The following ELMO2 variants were observed in gnomAD, a reference collection of about 807,000 sequenced individuals.
ELMO2 encodes engulfment and cell motility 2.
In ELMO2, 37 loss-of-function variants were observed where a neutral mutation model predicts 96.2. That is an observed-to-expected ratio of 0.38 (90% CI 0.30 to 0.51). ELMO2 has a LOEUF of 0.51. Among genes scored for constraint, ELMO2 ranks in the 20% least tolerant of loss-of-function variants. ELMO2 has a pLI of 0.88. For missense variants in ELMO2, 561 were observed against 912.6 expected (o/e 0.61, Z 4.96); for synonymous variants, 315 against 329.4 (o/e 0.96, Z 0.47).
chr20:46,370,665 G>T, intron 19 of ELMO2, 140 bp from the exon 20 acceptor site: 1 of 770,952 alleles, frequency 1.3e-6, no homozygotes, highest in Admixed American at 2.3e-5. Flanking sequence ...TATGAGCTCA[G>T]TGAGGGTGGT....
chr20:46,380,840 G>A (rs751680528), intron 10 of ELMO2, among the ~76,000 whole-genome samples: 11 of 152,174 alleles, frequency 7.2e-5, no homozygotes, highest in Non-Finnish European at 1.3e-4. Context: ...AGAGAACAAT[G>A]AGTCTGGTGT....
In ELMO2 at chr20:46,393,519, C is replaced by A. The variant is rs749844754; in HGVS notation, c.192+10G>T. Reference sequence around the variant, plus strand: ...AGGCCCATATTGATTTTGCCTCTCCCTGTACTAACCTGTTCGGTGATGTAC... The same window carrying A: ...AGGCCCATATTGATTTTGCCTCTCCATGTACTAACCTGTTCGGTGATGTAC... On this transcript the variant is annotated intron_variant, in intron 5 of 21. Transcript: ENST00000290246. 8.7e-6 allele frequency: 14 copies of A among 1,613,648 alleles called. No individual in the cohort carries two copies. The highest frequency in any genetic ancestry group is 1.7e-5 in the Admixed American group (1 of 59,876).
chr20:46,388,429 C>G (rs2060087977), intron 7 of ELMO2, among the ~76,000 whole-genome samples: 1 of 152,226 alleles, frequency 6.6e-6, no homozygotes, highest in African/African-American at 2.4e-5. Context: ...TTACTGACTG[C>G]TGCTCACAAG....
rs376886629 is a variant in ELMO2, at chr20:46,390,129, G to A, written c.244-909C>T. ...GATCATGCCACTGCACTCCAGCCTG[G>A]GCAACAGAGTGAGACTCCATCTCAA... On this transcript the variant is annotated intron_variant, in intron 6 of 21. Transcript: ENST00000290246. Among the ~76,000 whole-genome samples the A allele has an allele frequency of 1.6e-4, 24 of 152,090 alleles. No homozygotes were observed. The South Asian group carries it at 2.5e-3, about 16-fold the overall frequency.
At chr20:46,400,836 A>G (rs2060323421) in intron 1 of ELMO2, among the ~76,000 whole-genome samples, 1 of 152,254 alleles carries the variant, frequency 6.6e-6, no homozygotes, top group Non-Finnish European at 1.5e-5. Flanking sequence ...GCACTGTTAC[A>G]GAAGCCCCAT....
At chr20:46,374,476 G>A (rs760484160) in intron 14 of ELMO2, 36 bp from the exon 15 acceptor site, 1 of 1,611,900 alleles carries the variant, frequency 6.2e-7, no homozygotes, top group Admixed American at 1.7e-5. Flanking sequence ...TTAGGGAGAT[G>A]AAGGAGGAAG....
chr20:46,400,375 G>A (rs906905802), intron 1 of ELMO2, among the ~76,000 whole-genome samples: 9 of 152,288 alleles, frequency 5.9e-5, no homozygotes, highest in South Asian at 4.1e-4. Context: ...CTTCCAGCAC[G>A]TGTTTGCTTA....
At chr20:46,406,455 A>G (rs1390363348) in intron 1 of ELMO2, 93 bp downstream of exon 1, 2 of 152,450 alleles carry the variant, frequency 1.3e-5, no homozygotes, top group Non-Finnish European at 2.9e-5. Context: ...GCTAGCCGCA[A>G]CGCTCGGCCC....
At chr20:46,370,133 G>T (rs1435746098) in intron 20 of ELMO2, 4 of 476,944 alleles carry the variant, frequency 8.4e-6, no homozygotes, top group Non-Finnish European at 1.2e-5. Context: ...TGTGCTAATG[G>T]ACTGGTGGCA....
In ELMO2 at chr20:46,394,032, G is replaced by A. The variant is rs368618030; in HGVS notation, c.119+17C>T. The A allele has an allele frequency of 6.2e-7, 1 of 1,613,846 alleles. No individual in the cohort carries two copies. The highest frequency in any genetic ancestry group is 8.5e-7 in the Non-Finnish European group (1 of 1,179,982). On this transcript the variant is annotated intron_variant, in intron 4 of 21. Transcript: ENST00000290246. ...TCGGAGCTGCCACTGTTGAAAACGA[G>A]GTCCATTTCAACCTACCCATCACAA... is the stretch of plus-strand genomic sequence containing the variant.
intron 1 of ELMO2, among the ~76,000 whole-genome samples, chr20:46,399,347 C>G (rs2060298306): frequency 6.6e-6 from 1 of 152,184 alleles, no homozygotes; most frequent in Non-Finnish European, 1.5e-5. Context: ...TCTAGCCATC[C>G]TGGACTACGG....
At chr20:46,402,861 A>T (rs2060358464) in intron 1 of ELMO2, among the ~76,000 whole-genome samples, 1 of 152,180 alleles carries the variant, frequency 6.6e-6, no homozygotes. Flanking sequence ...GTCCTGATCT[A>T]CATCGGGGGC....
chr20:46,405,966 G>A (rs572985583), intron 1 of ELMO2, among the ~76,000 whole-genome samples: 1 of 152,268 alleles, frequency 6.6e-6, no homozygotes, highest in African/African-American at 2.4e-5. Flanking sequence ...CCTGCGCAGG[G>A]CAGACCAGTT....
chr20:46,404,156 T>C (rs1217213127), intron 1 of ELMO2, among the ~76,000 whole-genome samples: 1 of 151,964 alleles, frequency 6.6e-6, no homozygotes, highest in Non-Finnish European at 1.5e-5. Flanking sequence ...TGCTGCATGG[T>C]ATGTGTTTTT....
Position 46,398,727 on chromosome 20 carries a change from G to A in ELMO2, c.-81C>T, listed in dbSNP as rs1568788597. 2 of 152,134 alleles carry A rather than the reference G, an allele frequency of 1.3e-5. No individual in the cohort carries two copies. The highest frequency in any genetic ancestry group is 6.5e-5 in the Admixed American group (1 of 15,276). 9.4% of individuals were successfully genotyped at this position (152,134 alleles called of 1,614,324 possible). A position where few individuals can be genotyped will look rare whatever the true frequency, so the allele number is the denominator to read the frequency against. On this transcript the variant is annotated 5_prime_UTR_variant, in exon 2 of 22. Transcript: ENST00000290246. The stretch of plus-strand genomic sequence containing the variant: ...AGGTAAGGCAACTGAAGTTCAGACG[G>A]ATTGACAAACTTGTTCTCCATGTAC...
At chr20:46,385,985 T>C in intron 9 of ELMO2, 139 bp downstream of exon 9, 1 of 878,330 alleles carries the variant, frequency 1.1e-6, no homozygotes, top group East Asian at 2.6e-5. Context: ...CTGGCAGGAG[T>C]GTGGAAGAGG....
chr20:46,371,278 A>G lies in ELMO2; in HGVS notation c.1801+74T>C, dbSNP rs1163404761. 31 of 1,454,824 alleles carry G rather than the reference A, an allele frequency of 2.1e-5. No individual in the cohort carries two copies. The highest frequency in any genetic ancestry group is 2.9e-5 in the Non-Finnish European group (30 of 1,041,838). The allele number at this position is 1,454,824 out of a possible 1,614,324, so 90.1% of individuals were successfully genotyped here. Reference sequence around the variant, plus strand: ...GGTACAAGCCCAGATGATCAGCTACAAACAGCTGGACTAGAACTCCTGTCT... The same window carrying G: ...GGTACAAGCCCAGATGATCAGCTACGAACAGCTGGACTAGAACTCCTGTCT... On this transcript the variant is annotated intron_variant, in intron 19 of 21. Transcript: ENST00000290246. This position sits in a 1 kb window ranked among gnomAD's most constrained non-coding sequence, Gnocchi z 5.9.
chr20:46,398,525 C>T (rs2060284958), intron 2 of ELMO2, among the ~76,000 whole-genome samples, 172 bp downstream of exon 2: 1 of 152,122 alleles, frequency 6.6e-6, no homozygotes, highest in African/African-American at 2.4e-5. Flanking sequence ...GTTGGCCAGG[C>T]TGGTCTTGAA....
intron 2 of ELMO2, among the ~76,000 whole-genome samples, chr20:46,395,121 C>T (rs1157869641): frequency 1.3e-5 from 2 of 152,196 alleles, no homozygotes; most frequent in East Asian, 1.9e-4. Flanking sequence ...ATGCTATTTT[C>T]GTCCCTACTG....
Sources: gnomAD v4.1 joint callset for allele counts (sites outside exome capture counted in the v4.1 genomes callset) on GRCh38, gnomAD v4.1.1 for gene constraint, Gnocchi (gnomAD v3.1) non-coding constraint, MANE v1.5 for transcripts, NCBI Gene and HGNC (gene_info 2026-07-23, HGNC 2026-07-21) for gene names.